The following ACVR1C variants were observed in gnomAD, a reference collection of about 807,000 sequenced individuals.
The protein encoded by ACVR1C is activin A receptor type 1C.
In ACVR1C, 23 loss-of-function variants were observed where a neutral mutation model predicts 57.9. The ratio of observed to expected loss-of-function variants is 0.40; its 90% CI spans 0.29 to 0.56. The LOEUF is 0.56. Among genes scored for constraint, ACVR1C ranks in the 20% least tolerant of loss-of-function variants. The pLI, the probability that ACVR1C is intolerant of heterozygous loss-of-function variation, is 0.50. For synonymous variants in ACVR1C, 214 were observed against 215.3 expected (o/e 0.99, Z 0.05); for missense variants, 480 against 607.9 (o/e 0.79, Z 2.21).
At chr2:157,618,554 C>T (rs529675794) in intron 1 of ACVR1C, among the ~76,000 whole-genome samples, 1 of 151,000 alleles carries the variant, frequency 6.6e-6, no homozygotes, top group Non-Finnish European at 1.5e-5. Context: ...TATAAGAAAC[C>T]CAATTTAAAT....
chr2:157,582,060 G>T lies in ACVR1C; in HGVS notation c.304+5127C>A, dbSNP rs562459118. 1.6e-4 allele frequency among the ~76,000 whole-genome samples: 25 copies of T among 152,332 alleles called. No homozygotes were observed. The South Asian group carries it at 5.2e-3, about 32-fold the overall frequency. ...TGGCCAGGTACAGTGGCTCATGCCT[G>T]TAATCCCAGCACTTTGGGAAGCTGA... On this transcript the variant is annotated intron_variant, in intron 2 of 8. Coordinates refer to ENST00000243349, the MANE Select transcript of ACVR1C (RefSeq NM_145259.3).
chr2:157,600,194 C>A (rs911029616), intron 1 of ACVR1C, among the ~76,000 whole-genome samples: 1 of 152,138 alleles, frequency 6.6e-6, no homozygotes, highest in Non-Finnish European at 1.5e-5. Context: ...AATCAGAGTT[C>A]ATATTTTGGA....
intron 1 of ACVR1C, among the ~76,000 whole-genome samples, chr2:157,626,211 C>A (rs1682892318): frequency 6.6e-6 from 1 of 152,178 alleles, no homozygotes; most frequent in Non-Finnish European, 1.5e-5. Context: ...TCAAGCAATC[C>A]TCACACCTCG....
chr2:157,618,072 A>C (rs552225718), intron 1 of ACVR1C, among the ~76,000 whole-genome samples: 72 of 152,066 alleles, frequency 4.7e-4, no homozygotes, highest in Non-Finnish European at 9.3e-4. Flanking sequence ...ACTAAAAGTG[A>C]TAAACAGGTG....
At chr2:157,546,276 A>G (rs894264095) in intron 4 of ACVR1C, among the ~76,000 whole-genome samples, 21 of 152,230 alleles carry the variant, frequency 1.4e-4, no homozygotes, top group Non-Finnish European at 7.3e-5. Flanking sequence ...TGATCTGGAT[A>G]TAGTTTCAAA....
chr2:157,599,618 G>A (rs1031148810), intron 1 of ACVR1C, among the ~76,000 whole-genome samples: 3 of 152,120 alleles, frequency 2.0e-5, no homozygotes, highest in African/African-American at 7.2e-5. Context: ...GATAGTATGC[G>A]TTTTTTGAAT....
intron 1 of ACVR1C, 66 bp from the exon 2 acceptor site, chr2:157,587,483 C>T: frequency 6.0e-6 from 7 of 1,171,584 alleles, no homozygotes; most frequent in Middle Eastern, 2.0e-4. Context: ...TTGATAATAC[C>T]TGGGAATATA....
At chr2:157,555,330 A>G (rs1688074365) in intron 3 of ACVR1C, among the ~76,000 whole-genome samples, 1 of 151,364 alleles carries the variant, frequency 6.6e-6, no homozygotes, top group South Asian at 2.1e-4. Flanking sequence ...CTTGTTAGCC[A>G]GGATGGTCTC....
intron 2 of ACVR1C, 83 bp from the exon 3 acceptor site, chr2:157,556,415 T>A (rs1175080059): frequency 6.5e-7 from 1 of 1,548,180 alleles, no homozygotes; most frequent in Non-Finnish European, 8.8e-7. Flanking sequence ...TCACCAAAAT[T>A]TCACATCCAG....
At chr2:157,589,334 T>C (rs1267769042) in intron 1 of ACVR1C, among the ~76,000 whole-genome samples, 1 of 152,066 alleles carries the variant, frequency 6.6e-6, no homozygotes, top group African/African-American at 2.4e-5. Flanking sequence ...GTATGTCTTC[T>C]TTTGAGAAGT....
chr2:157,548,199 T>A (rs1347704796), intron 4 of ACVR1C, among the ~76,000 whole-genome samples: 1 of 150,330 alleles, frequency 6.7e-6, no homozygotes, highest in Admixed American at 6.7e-5. Flanking sequence ...GAGAATAAAA[T>A]ACCTAGGAAT....
At chr2:157,581,137 AG>A (rs1688779076) in intron 2 of ACVR1C, among the ~76,000 whole-genome samples, 1 of 152,182 alleles carries the variant, frequency 6.6e-6, no homozygotes, top group Admixed American at 6.5e-5. Context: ...TCTTCTCTGG[AG>A]GAACAAATTT....
At chr2:157,536,491 T>C (rs1687490472) in intron 8 of ACVR1C, among the ~76,000 whole-genome samples, 1 of 152,184 alleles carries the variant, frequency 6.6e-6, no homozygotes, top group South Asian at 2.1e-4. Flanking sequence ...AGATAGGTAA[T>C]AGTGGAATAA....
intron 2 of ACVR1C, among the ~76,000 whole-genome samples, chr2:157,576,287 C>T (rs1310422003): frequency 1.4e-5 from 2 of 146,694 alleles, no homozygotes; most frequent in Non-Finnish European, 3.0e-5. Flanking sequence ...CTCACTGCAA[C>T]CTCCACCTCC....
chr2:157,542,906 G>C, intron 5 of ACVR1C, 44 bp from the exon 6 acceptor site: 1 of 1,577,268 alleles, frequency 6.3e-7, no homozygotes, highest in Non-Finnish European at 8.6e-7. Flanking sequence ...CTTTACCGGA[G>C]ACTGTTCAAG....
At chr2:157,562,092 C>G (rs965496472) in intron 2 of ACVR1C, among the ~76,000 whole-genome samples, 1 of 151,944 alleles carries the variant, frequency 6.6e-6, no homozygotes, top group African/African-American at 2.4e-5. Flanking sequence ...GTAAAGAGAT[C>G]AATACCATCT....
At chr2:157,575,816 T>C (rs1688632421) in intron 2 of ACVR1C, among the ~76,000 whole-genome samples, 1 of 152,132 alleles carries the variant, frequency 6.6e-6, no homozygotes, top group Admixed American at 6.6e-5. Context: ...ACGGTTTTTT[T>C]AATTAGAAAA....
chr2:157,615,942 G>T (rs1236450570), intron 1 of ACVR1C, among the ~76,000 whole-genome samples: 1 of 152,102 alleles, frequency 6.6e-6, no homozygotes, highest in Non-Finnish European at 1.5e-5. Context: ...ATTTATCTTT[G>T]AATGTCATCA....
chr2:157,624,371 C>T lies in ACVR1C; in HGVS notation c.73+4201G>A, dbSNP rs549038571. 1.1e-4 allele frequency among the ~76,000 whole-genome samples: 16 copies of T among 152,232 alleles called. No individual in the cohort carries two copies. The South Asian group carries it at 3.1e-3, about 30-fold the overall frequency. On this transcript the variant is annotated intron_variant, in intron 1 of 8. Coordinates refer to ENST00000243349, the MANE Select transcript of ACVR1C (RefSeq NM_145259.3). The stretch of plus-strand genomic sequence containing the variant: ...TTTACGGCAAGAGATGCAAGTAGTG[C>T]CAAGAAAAGTACAACAAAGTGGGTC...
Sources: allele counts gnomAD v4.1 joint callset (sites outside exome capture counted in the v4.1 genomes callset), GRCh38; gene constraint gnomAD v4.1.1; transcripts MANE v1.5; gene names NCBI Gene and HGNC (gene_info 2026-07-23, HGNC 2026-07-21).